The following DGKK variants were observed in gnomAD, a reference collection of about 807,000 sequenced individuals.
The protein encoded by DGKK is diacylglycerol kinase kappa.
DGKK carries 35 observed loss-of-function variants against 92.2 expected under a neutral mutation model. That is an observed-to-expected ratio of 0.38 (90% CI 0.29 to 0.50). The LOEUF is 0.50. Ranked by LOEUF, DGKK falls within the 20% of genes least tolerant of loss-of-function variation. The pLI, the probability that DGKK is intolerant of heterozygous loss-of-function variation, is 0.92. For missense variants in DGKK, 910 were observed against 992.2 expected, an observed-to-expected ratio of 0.92 and a Z score of 1.11; for synonymous variants, 368 against 360.6, an observed-to-expected ratio of 1.02 and a Z score of -0.23.
chrX:50,461,007 C>T (rs1472377330), intron 1 of DGKK, among the ~76,000 whole-genome samples: 1 of 110,371 alleles, frequency 9.1e-6, no homozygotes, highest in East Asian at 2.9e-4. Context: ...ATCTCCTTCT[C>T]CAAGGCCAAG....
At position 50,378,667 on chromosome X, in the gene DGKK, C is replaced by A; in HGVS notation, c.2887G>T (p.Asp963Tyr). 8.3e-7 allele frequency: 1 copy of A among 1,206,319 alleles called. No homozygotes were observed. Reference sequence around the variant, plus strand: ...ATTGCCACCACCTCCAGTTTCCCATCATCGATTGCAGGAGCCTCATATTCC... The same window carrying A: ...ATTGCCACCACCTCCAGTTTCCCATAATCGATTGCAGGAGCCTCATATTCC... ...TTEYEAPAID[D>Y]GKLEVVAIFG... is the part of the protein sequence containing the mutation. The change falls in exon 21 of 28, where the codon GAT becomes TAT. Residue 963 changes from aspartate (D) to tyrosine (Y), a missense_variant. Asp to Tyr is a radical substitution (Grantham distance 160). Coordinates refer to ENST00000611977, the MANE Select transcript of DGKK (RefSeq NM_001013742.4).
intron 10 of DGKK, among the ~76,000 whole-genome samples, chrX:50,391,857 T>C (rs782017630): frequency 8.9e-6 from 1 of 111,891 alleles, no homozygotes; most frequent in Non-Finnish European, 1.9e-5. Flanking sequence ...AAGAGAAATA[T>C]AGCTGTGAAT....
chrX:50,440,649 G>C (rs1926149651), intron 1 of DGKK, among the ~76,000 whole-genome samples: 1 of 111,421 alleles, frequency 9.0e-6, no homozygotes, highest in Admixed American at 9.5e-5. Flanking sequence ...ATTGGAGTGG[G>C]TGTCACAGTA....
chrX:50,429,651 T>C (rs1177085614), intron 1 of DGKK, among the ~76,000 whole-genome samples: 2 of 112,358 alleles, frequency 1.8e-5, no homozygotes, highest in African/African-American at 6.5e-5. Context: ...ATCGCGCCAC[T>C]GCACTCCAGC....
chrX:50,428,006 G>C (rs904390563), intron 1 of DGKK, among the ~76,000 whole-genome samples: 17 of 110,466 alleles, frequency 1.5e-4, no homozygotes, highest in Non-Finnish European at 5.7e-5. Context: ...CTGGCTGTTT[G>C]AGGGAGTGGT....
At position 50,394,996 on chromosome X, in the gene DGKK, G is replaced by A. The variant is rs186119384; in HGVS notation, c.1412-1661C>T. Among the ~76,000 whole-genome samples, 123 of 110,041 alleles carry A rather than the reference G, an allele frequency of 1.1e-3. 1 individual carries two copies. Among genetic ancestry groups the A allele is most frequent in the African/African-American group, 4.1e-3 (123 of 30,156 alleles). ...TCTGGGCTGTCTGAGGACCAGTGAAGAGAATAGTATGGTTATTGTGGAGTG... is the reference window on the plus strand; with the variant it reads ...TCTGGGCTGTCTGAGGACCAGTGAAAAGAATAGTATGGTTATTGTGGAGTG... On this transcript the variant is annotated intron_variant, in intron 8 of 27. Transcript: ENST00000611977.
At chrX:50,421,998 T>C (rs967381784) in intron 3 of DGKK, among the ~76,000 whole-genome samples, 2 of 112,301 alleles carry the variant, frequency 1.8e-5, no homozygotes, top group African/African-American at 3.2e-5. Context: ...TAGAAAATCT[T>C]CTGCTTTCTT....
In DGKK at chrX:50,380,032, T is replaced by C. The variant is rs1363582129; in HGVS notation, c.2703A>G (p.Lys901=). 6 of 1,210,230 alleles carry C rather than the reference T, an allele frequency of 5.0e-6. No homozygotes were observed. Among genetic ancestry groups the C allele is most frequent in the Non-Finnish European group, 6.7e-6 (6 of 895,201 alleles). Residue 901 remains lysine, a synonymous_variant, in exon 19 of 28, where the codon AAA becomes AAG. Transcript: ENST00000611977. ...NKMWYGLLGT[K]ELLQRSYRKL... is the part of the protein sequence containing the mutation. ...TCCTGTAAGAGCGCTGCAAAAGTTC[T>C]TTGGTTCCCAGAAGGCCATACCACA...
At position 50,403,269 on chromosome X, in the gene DGKK, G is replaced by A; in HGVS notation, c.1186-86C>T. 4.6e-6 allele frequency: 5 copies of A among 1,081,724 alleles called. No individual in the cohort carries two copies. The South Asian group carries it at 9.1e-5, about 20-fold the overall frequency. The allele number at this position is 1,081,724 out of a possible 1,213,427, so 89.1% of individuals were successfully genotyped here. A position where few individuals can be genotyped will look rare whatever the true frequency, so the allele number is the denominator to read the frequency against. ...AACTGGAATAATTGTACTACTCCAT[G>A]GAGGACATTAGGTAAATGACCCAAA... On this transcript the variant is annotated intron_variant, in intron 6 of 27. Transcript: ENST00000611977.
chrX:50,453,683 C>T (rs549780377), intron 1 of DGKK, among the ~76,000 whole-genome samples: 1 of 111,411 alleles, frequency 9.0e-6, no homozygotes, highest in Non-Finnish European at 1.9e-5. Flanking sequence ...GCAACTGGCC[C>T]TGTATAAAAT....
intron 1 of DGKK, among the ~76,000 whole-genome samples, chrX:50,465,088 T>A (rs975091055): frequency 1.8e-5 from 2 of 111,779 alleles, no homozygotes; most frequent in Admixed American, 9.5e-5. Context: ...CTCAAGAGAT[T>A]AAGCATGAGC....
intron 1 of DGKK, among the ~76,000 whole-genome samples, chrX:50,452,741 T>C (rs1331048532): frequency 8.9e-6 from 1 of 112,285 alleles, no homozygotes; most frequent in Admixed American, 9.4e-5. Context: ...TAAAATACCT[T>C]TGAGCCTAGA....
rs782189565 is a variant in DGKK, at chrX:50,370,552, G to A, written c.3613-3C>T. On this transcript the variant is annotated splice_polypyrimidine_tract_variant and splice_region_variant and intron_variant, in intron 26 of 27. Coordinates refer to ENST00000611977, the MANE Select transcript of DGKK (RefSeq NM_001013742.4). ...CTGTCAGTGTCCGAAGATTTTTCCTGAGAAACCACAAGAGGAAGGTCAAAA... is the reference window on the plus strand; with the variant it reads ...CTGTCAGTGTCCGAAGATTTTTCCTAAGAAACCACAAGAGGAAGGTCAAAA... The A allele has an allele frequency of 3.3e-5, 39 of 1,194,252 alleles. No homozygotes were observed. The highest frequency in any genetic ancestry group is 4.6e-4 in the Middle Eastern group (2 of 4,325).
chrX:50,403,941 A>G, intron 5 of DGKK, 108 bp downstream of exon 5: 1 of 989,536 alleles, frequency 1.0e-6, no homozygotes, highest in Non-Finnish European at 1.4e-6. Context: ...TTAACCTCAC[A>G]CCAGAGTCAG....
At chrX:50,440,211 C>G (rs1382202450) in intron 1 of DGKK, among the ~76,000 whole-genome samples, 1 of 111,960 alleles carries the variant, frequency 8.9e-6, no homozygotes, top group African/African-American at 3.2e-5. Context: ...ATAACTGAGG[C>G]ATCACCATTC....
At chrX:50,378,040 A>T in intron 22 of DGKK, 58 bp downstream of exon 22, 4 of 1,150,947 alleles carry the variant, frequency 3.5e-6, no homozygotes, top group Non-Finnish European at 3.5e-6. Flanking sequence ...AATATTCAGT[A>T]CTCAAGTGAC....
chrX:50,409,134 A>C (rs1387869317), intron 4 of DGKK, among the ~76,000 whole-genome samples: 2 of 111,450 alleles, frequency 1.8e-5, no homozygotes, highest in African/African-American at 6.5e-5. Flanking sequence ...AATGACTGCT[A>C]TCTTTATAAA....
intron 1 of DGKK, among the ~76,000 whole-genome samples, chrX:50,428,259 AC>A (rs1925797658): frequency 9.0e-6 from 1 of 110,687 alleles, no homozygotes; most frequent in Non-Finnish European, 1.9e-5. Context: ...TCTCGCAGAT[AC>A]TATGGCTTGT....
chrX:50,374,481 A>G (rs1924220468), intron 25 of DGKK, among the ~76,000 whole-genome samples: 1 of 111,628 alleles, frequency 9.0e-6, no homozygotes, highest in South Asian at 3.8e-4. Flanking sequence ...GAGGACACCT[A>G]GTTCTTGATA....
Sources: gnomAD v4.1 joint callset for allele counts (sites outside exome capture counted in the v4.1 genomes callset) on GRCh38, gnomAD v4.1.1 for gene constraint, MANE v1.5 for transcripts, NCBI Gene and HGNC (gene_info 2026-07-23, HGNC 2026-07-21) for gene names.